Variants in GANC observed in about 807,000 individuals in gnomAD.
GANC encodes the protein neutral alpha-glucosidase C.
A neutral mutation model predicts 124.2 loss-of-function variants in GANC; 117 were observed. The ratio of observed to expected loss-of-function variants is 0.94; its 90% confidence interval spans 0.81 to 1.10. The LOEUF (loss-of-function observed/expected upper bound fraction) is 1.10, where lower values mean the gene tolerates loss of function less well. Ranked by LOEUF, GANC falls within the 50% of genes least tolerant of loss-of-function variation. GANC has a pLI of 0.00. For missense variants in GANC, 1,140 were observed against 1,095.0 expected, an observed-to-expected ratio of 1.04 and a Z score of -0.58; for synonymous variants, 377 against 376.8, an observed-to-expected ratio of 1.00 and a Z score of -0.01.
intron 6 of GANC, among the ~76,000 whole-genome samples, chr15:42,299,616 A>C (rs930632899): frequency 6.6e-6 from 1 of 152,230 alleles, no homozygotes; most frequent in African/African-American, 2.4e-5. Flanking sequence ...CTTAAATTTC[A>C]TATGGAATCA....
Position 42,306,570 on chromosome 15 carries a change from T to G in GANC, c.583T>G (p.Trp195Gly). ...GGAAAATCAAGAAGATCTGGGCCTG[T>G]GGGAAGAGAAATTTGGAAAATTTGT... Reference protein sequence around the residue: ...SQENQEDLGLWEEKFGKFVDI... With the variant: ...SQENQEDLGLGEEKFGKFVDI... The change falls in exon 7 of 24, where the codon TGG (tryptophan) becomes GGG (glycine). Residue 195 changes from tryptophan (W) to glycine (G), a missense_variant. By Grantham distance (184) the Trp-to-Gly change is radical. Transcript: ENST00000318010. The G allele has an allele frequency of 5.0e-6, 8 of 1,613,562 alleles. No individual in the cohort carries two copies. Among genetic ancestry groups the G allele is most frequent in the Non-Finnish European group, 6.8e-6 (8 of 1,179,754 alleles).
intron 1 of GANC, 147 bp from the exon 2 acceptor site, chr15:42,276,201 T>C: frequency 1.7e-6 from 1 of 585,792 alleles, no homozygotes. Flanking sequence ...TGCTATTATG[T>C]TATACTGTGG....
chr15:42,286,285 A>G (rs1467636756), intron 3 of GANC, among the ~76,000 whole-genome samples: 2 of 152,144 alleles, frequency 1.3e-5, no homozygotes, highest in Non-Finnish European at 1.5e-5. Context: ...AAAACTTATC[A>G]CAGAATGCTC....
intron 15 of GANC, among the ~76,000 whole-genome samples, chr15:42,333,144 A>G (rs1232592514): frequency 6.6e-6 from 1 of 151,572 alleles, no homozygotes; most frequent in Non-Finnish European, 1.5e-5. Context: ...CCTGGGCAAC[A>G]TGGTGAAACC....
chr15:42,320,404 T>C, intron 10 of GANC, among the ~76,000 whole-genome samples: 1 of 152,262 alleles, frequency 6.6e-6, no homozygotes, highest in South Asian at 2.1e-4. Context: ...TGGAGATCCT[T>C]TTCTGTTTCC....
At chr15:42,283,398 A>G (rs548666651) in intron 3 of GANC, among the ~76,000 whole-genome samples, 1 of 152,296 alleles carries the variant, frequency 6.6e-6, no homozygotes, top group Non-Finnish European at 1.5e-5. Context: ...TACTACTATC[A>G]GTTTTCTATC....
Position 42,351,316 on chromosome 15 carries a change from G to A in GANC, c.2532-13G>A, listed in dbSNP as rs1347940923. The stretch of plus-strand genomic sequence containing the variant: ...CATCCCTCTCCTTTTAATACTGTTT[G>A]TATCTATTCCAGTTTTGCTGACCAG... On this transcript the variant is annotated splice_polypyrimidine_tract_variant and intron_variant, in intron 22 of 23. Coordinates refer to ENST00000318010, the MANE Select transcript of GANC (RefSeq NM_198141.3). 3 of 1,597,084 alleles carry A rather than the reference G, an allele frequency of 1.9e-6. No individual in the cohort carries two copies. The South Asian group carries it at 3.3e-5, about 18-fold the overall frequency.
intron 1 of GANC, among the ~76,000 whole-genome samples, chr15:42,275,760 G>A (rs1247644201): frequency 6.6e-6 from 1 of 152,106 alleles, no homozygotes. Flanking sequence ...TAAAAAGCAA[G>A]AAATTCCCCT....
At chr15:42,340,573 C>A in intron 17 of GANC, 117 bp from the exon 18 acceptor site, 2 of 770,574 alleles carry the variant, frequency 2.6e-6, no homozygotes, top group Non-Finnish European at 2.0e-6. Flanking sequence ...CACGGCATTC[C>A]AGCCTGGGCA....
intron 6 of GANC, among the ~76,000 whole-genome samples, 171 bp from the exon 7 acceptor site, chr15:42,306,375 T>C (rs2051995554): frequency 6.6e-6 from 1 of 152,236 alleles, no homozygotes; most frequent in African/African-American, 2.4e-5. Flanking sequence ...GACATGTATA[T>C]AGAACACAGA....
intron 6 of GANC, among the ~76,000 whole-genome samples, chr15:42,302,169 CTT>C (rs1417064172): frequency 6.6e-6 from 1 of 152,170 alleles, no homozygotes; most frequent in Non-Finnish European, 1.5e-5. Context: ...AGGCAGCAAT[CTT>C]TGCTGTTCTG....
In GANC at chr15:42,329,446, TCATGTAAGA is replaced by T; in HGVS notation, c.1644+1_1644+9del. ...AGCTCCACAACATCTACGGTTTTTATCATGTAAGACATCCAAAAAGAATTAAACTGGGCT... is the reference window on the plus strand; with the variant it reads ...AGCTCCACAACATCTACGGTTTTTATCATCCAAAAAGAATTAAACTGGGCT... On this transcript the variant is annotated splice_donor_variant and splice_donor_5th_base_variant and coding_sequence_variant and intron_variant, in exon 14 of 24. Coordinates refer to ENST00000318010, the MANE Select transcript of GANC (RefSeq NM_198141.3). LOFTEE classifies it high-confidence loss of function. The T allele has an allele frequency of 6.2e-7, 1 of 1,608,206 alleles. No homozygotes were observed. The highest frequency in any genetic ancestry group is 8.5e-7 in the Non-Finnish European group (1 of 1,178,134).
At chr15:42,324,622 C>A (rs8037797) in intron 11 of GANC, among the ~76,000 whole-genome samples, 1 of 151,900 alleles carries the variant, frequency 6.6e-6, no homozygotes, top group East Asian at 1.9e-4. Context: ...GCCTTTAAAA[C>A]GAAGGAAATT....
At chr15:42,281,255 C>T (rs1350981150) in intron 3 of GANC, 2 of 626,326 alleles carry the variant, frequency 3.2e-6, no homozygotes, top group South Asian at 1.9e-5. Flanking sequence ...TTAATGTCCT[C>T]CTTGTCATGT....
intron 19 of GANC, among the ~76,000 whole-genome samples, chr15:42,343,615 C>G (rs1305072866): frequency 1.3e-5 from 2 of 152,196 alleles, no homozygotes; most frequent in Non-Finnish European, 2.9e-5. Context: ...ACTCCCCTCC[C>G]ACATTCCTCT....
chr15:42,340,677 T>C lies in GANC; in HGVS notation c.2088-13T>C. Reference sequence around the variant, plus strand: ...CTATAATGTTAAAACAATAATTTTTTTTCTTTCCCCAGGCCTCTGTGGGTA... The same window carrying C: ...CTATAATGTTAAAACAATAATTTTTCTTCTTTCCCCAGGCCTCTGTGGGTA... On this transcript the variant is annotated splice_polypyrimidine_tract_variant and intron_variant, in intron 17 of 23. Coordinates refer to ENST00000318010, the MANE Select transcript of GANC (RefSeq NM_198141.3). The C allele has an allele frequency of 6.3e-7, 1 of 1,580,684 alleles. No individual in the cohort carries two copies. The highest frequency in any genetic ancestry group is 8.6e-7 in the Non-Finnish European group (1 of 1,166,588).
intron 1 of GANC, among the ~76,000 whole-genome samples, chr15:42,275,819 C>T (rs774996956): frequency 6.6e-6 from 1 of 152,140 alleles, no homozygotes; most frequent in Non-Finnish European, 1.5e-5. Flanking sequence ...TCTATTAAAG[C>T]ATTTGTCAGC....
chr15:42,325,761 T>G (rs1157127298), intron 11 of GANC, among the ~76,000 whole-genome samples: 4 of 152,134 alleles, frequency 2.6e-5, no homozygotes, highest in Non-Finnish European at 5.9e-5. Flanking sequence ...TTGTTTTTGT[T>G]TTTTTCTTTT....
chr15:42,329,310 C>G lies in GANC; in HGVS notation c.1505C>G (p.Ser502Cys). The G allele has an allele frequency of 6.2e-7, 1 of 1,612,878 alleles. No homozygotes were observed. The highest frequency in any genetic ancestry group is 8.5e-7 in the Non-Finnish European group (1 of 1,179,432). Residue 502 changes from serine to cysteine, a missense_variant, in exon 14 of 24, where the codon TCT (serine) becomes TGT (cysteine). By Grantham distance (112) the Ser-to-Cys change is moderately radical. Transcript: ENST00000318010. The stretch of plus-strand genomic sequence containing the variant: ...TGACCAAGGTTTACTTCCTAGGGAT[C>G]TACGGACATCCTCTTCCTTTGGAAT... ...SLFAFPVYQG[S>C]TDILFLWNDM...
Sources: allele counts gnomAD v4.1 joint callset (sites outside exome capture counted in the v4.1 genomes callset), GRCh38; gene constraint gnomAD v4.1.1; transcripts MANE v1.5; gene names NCBI Gene and HGNC (gene_info 2026-07-23, HGNC 2026-07-21).